ELAVL4: variants seen among roughly 807,000 people sequenced by gnomAD.
ELAVL4 encodes the protein ELAV like RNA binding protein 4, also known as ELAV-like protein 4.
A neutral mutation model predicts 35.6 loss-of-function variants in ELAVL4; 1 was observed. The ratio of observed to expected loss-of-function variants is 0.03; its 90% CI spans 0.01 to 0.13. The LOEUF (loss-of-function observed/expected upper bound fraction) is 0.13, where lower values mean the gene tolerates loss of function less well. Ranked by LOEUF, ELAVL4 falls within the 10% of genes least tolerant of loss-of-function variation. ELAVL4 has a pLI of 1.00. For synonymous variants in ELAVL4, 156 were observed against 171.0 expected, an observed-to-expected ratio of 0.91 and a Z score of 0.69; for missense variants, 267 against 464.9, an observed-to-expected ratio of 0.57 and a Z score of 3.91.
exon 1 of ELAVL4, chr1:50,048,065 A>C: frequency 2.6e-5 from 35 of 1,348,034 alleles, no homozygotes; most frequent in South Asian, 4.8e-5. Context: ...AGAGCGAGCT[A>C]GAGAGCGAGA....
intron 1 of ELAVL4, among the ~76,000 whole-genome samples, chr1:50,119,675 G>A (rs1668692924): frequency 6.6e-6 from 1 of 151,952 alleles, no homozygotes; most frequent in African/African-American, 2.4e-5. Flanking sequence ...AATCTTAACA[G>A]TATTCTTCCT....
At chr1:50,085,626 G>T (rs1409664211) in intron 1 of ELAVL4, among the ~76,000 whole-genome samples, 2 of 152,224 alleles carry the variant, frequency 1.3e-5, no homozygotes, top group African/African-American at 4.8e-5. Context: ...TCAGAGCAAA[G>T]AAAGCATATT....
intron 1 of ELAVL4, among the ~76,000 whole-genome samples, chr1:50,051,227 T>C (rs919040261): frequency 2.6e-5 from 4 of 152,166 alleles, no homozygotes; most frequent in Non-Finnish European, 5.9e-5. Flanking sequence ...CTAACTCATT[T>C]ACTTAGAGGC....
chr1:50,085,100 T>C (rs938518159), intron 1 of ELAVL4, among the ~76,000 whole-genome samples: 8 of 152,284 alleles, frequency 5.3e-5, no homozygotes, highest in East Asian at 1.9e-4. Flanking sequence ...CATCCCAAAG[T>C]GTATACAACT....
intron 1 of ELAVL4, among the ~76,000 whole-genome samples, chr1:50,119,427 T>C (rs1312941019): frequency 6.6e-6 from 1 of 152,104 alleles, no homozygotes; most frequent in Non-Finnish European, 1.5e-5. Flanking sequence ...AGCAGGCAAA[T>C]GAGAAGGTTG....
intron 1 of ELAVL4, among the ~76,000 whole-genome samples, chr1:50,091,264 T>TA (rs1327595843): frequency 6.6e-6 from 1 of 152,226 alleles, no homozygotes; most frequent in East Asian, 1.9e-4. Flanking sequence ...CCATTGCAGA[T>TA]ACGCTTACAG....
upstream of ELAVL4, among the ~76,000 whole-genome samples, chr1:50,101,076 AT>A (rs1205598518): frequency 6.6e-6 from 1 of 152,002 alleles, no homozygotes; most frequent in East Asian, 1.9e-4. Flanking sequence ...GGAGCCTAAC[AT>A]ATCATTTTTC....
chr1:50,158,613 G>A (rs1676172328), intron 2 of ELAVL4, among the ~76,000 whole-genome samples: 1 of 152,216 alleles, frequency 6.6e-6, no homozygotes, highest in South Asian at 2.1e-4. Context: ...ACATGAAAAT[G>A]TGTCTTCAGA....
At chr1:50,198,908 A>T (rs1476815589) in intron 6 of ELAVL4, among the ~76,000 whole-genome samples, 1 of 152,194 alleles carries the variant, frequency 6.6e-6, no homozygotes, top group Non-Finnish European at 1.5e-5. Flanking sequence ...CTGTACTTGC[A>T]ATCTCTTTGC....
Position 50,201,389 on chromosome 1 carries a change from A to G in ELAVL4, c.*211A>G. The G allele has an allele frequency of 4.9e-6, 2 of 407,370 alleles. No homozygotes were observed. Among genetic ancestry groups the G allele is most frequent in the Non-Finnish European group, 3.9e-6 (1 of 253,518 alleles). The allele number at this position is 407,370 out of a possible 1,614,324, so 25.2% of individuals were successfully genotyped here. A position where few individuals can be genotyped will look rare whatever the true frequency, so the allele number is the denominator to read the frequency against. On this transcript the variant is annotated 3_prime_UTR_variant, in exon 7 of 7. Coordinates refer to ENST00000371824, the MANE Select transcript of ELAVL4 (RefSeq NM_001144774.3). This position sits in a 1 kb window ranked among gnomAD's most constrained non-coding sequence, Gnocchi z 4.3. ...AGGATTTTATAATGCTTAGAAAAAA[A>G]GAAAAAAAAAAAACAAAAAATACCT...
intron 1 of ELAVL4, among the ~76,000 whole-genome samples, chr1:50,142,834 A>T (rs943594503): frequency 6.6e-6 from 1 of 152,202 alleles, no homozygotes; most frequent in African/African-American, 2.4e-5. Flanking sequence ...TAGCAGCATT[A>T]TCTATAGTAG....
chr1:50,067,155 G>C (rs1664303097), intron 1 of ELAVL4, among the ~76,000 whole-genome samples: 1 of 152,184 alleles, frequency 6.6e-6, no homozygotes, highest in African/African-American at 2.4e-5. Context: ...CAAGTAAGAG[G>C]TTGATGGATT....
chr1:50,092,403 T>C (rs1167385631), intron 1 of ELAVL4, among the ~76,000 whole-genome samples: 1 of 152,184 alleles, frequency 6.6e-6, no homozygotes, highest in Non-Finnish European at 1.5e-5. Context: ...TGTTCTGGCA[T>C]GTTTCGGGAT....
At chr1:50,052,495 T>C (rs941636046) in intron 1 of ELAVL4, among the ~76,000 whole-genome samples, 1 of 152,314 alleles carries the variant, frequency 6.6e-6, no homozygotes, top group Admixed American at 6.5e-5. Flanking sequence ...TTATAGTATC[T>C]TAGGTGATGG....
chr1:50,048,230 T>C, intron 1 of ELAVL4: 1 of 1,476,682 alleles, frequency 6.8e-7, no homozygotes, highest in Non-Finnish European at 9.0e-7. Context: ...CTGCCCGCCC[T>C]CTGTTACGGA....
intron 3 of ELAVL4, among the ~76,000 whole-genome samples, chr1:50,193,160 G>T (rs940965186): frequency 6.6e-6 from 1 of 152,064 alleles, no homozygotes; most frequent in East Asian, 1.9e-4. Context: ...ATCCAGTTTC[G>T]CAAGCAGATG....
At position 50,177,052 on chromosome 1, in the gene ELAVL4, C is replaced by G. The variant is rs547562785; in HGVS notation, c.251-37C>G. The G allele has an allele frequency of 4.5e-5, 70 of 1,546,384 alleles. No homozygotes were observed. The African/African-American group carries it at 7.5e-4, about 17-fold the overall frequency. ...TCTCTCTTTCTCTCTGTCTGTCTCT[C>G]TCTCCCTTTCTCTCTCTCTTTTTAA... On this transcript the variant is annotated intron_variant, in intron 2 of 6. Coordinates refer to ENST00000371824, the MANE Select transcript of ELAVL4 (RefSeq NM_001144774.3).
At chr1:50,129,550 G>C (rs963954505) in intron 1 of ELAVL4, among the ~76,000 whole-genome samples, 3 of 152,070 alleles carry the variant, frequency 2.0e-5, no homozygotes, top group Non-Finnish European at 2.9e-5. Flanking sequence ...CAGAAATTGT[G>C]TTTGTAAGTG....
At chr1:50,069,297 T>C (rs1464574168) in intron 1 of ELAVL4, among the ~76,000 whole-genome samples, 1 of 152,160 alleles carries the variant, frequency 6.6e-6, no homozygotes, top group Non-Finnish European at 1.5e-5. Context: ...GCCTCTATTA[T>C]TGTCTCCTGT....
Sources: allele counts gnomAD v4.1 joint callset (sites outside exome capture counted in the v4.1 genomes callset), GRCh38; gene constraint gnomAD v4.1.1; non-coding constraint Gnocchi (gnomAD v3.1); transcripts MANE v1.5; gene names NCBI Gene and HGNC (gene_info 2026-07-23, HGNC 2026-07-21).